CTIF: variants seen among roughly 807,000 people sequenced by gnomAD.
The protein encoded by CTIF is CBP80/20-dependent translation initiation factor.
Under a neutral mutation model 66.0 loss-of-function variants are expected in CTIF, and 21 were observed. The ratio of observed to expected loss-of-function variants is 0.32; its 90% confidence interval spans 0.23 to 0.46. The LOEUF is 0.46. Ranked by LOEUF, CTIF falls within the 20% of genes least tolerant of loss-of-function variation. CTIF has a pLI of 1.00. For synonymous variants in CTIF, 345 were observed against 326.4 expected, an observed-to-expected ratio of 1.06 and a Z score of -0.62; for missense variants, 739 against 812.7, an observed-to-expected ratio of 0.91 and a Z score of 1.10.
At chr18:48,629,823 T>C (rs1182736317) in intron 2 of CTIF, among the ~76,000 whole-genome samples, 2 of 152,192 alleles carry the variant, frequency 1.3e-5, no homozygotes, top group East Asian at 3.9e-4. Flanking sequence ...CCATGTTTGC[T>C]AATTAGAGAA....
At chr18:48,818,673 G>A (rs546589290) in intron 10 of CTIF, among the ~76,000 whole-genome samples, 26 of 152,120 alleles carry the variant, frequency 1.7e-4, no homozygotes, top group Non-Finnish European at 2.9e-4. Context: ...GGAAGGGGGC[G>A]TGTAAGAACC....
chr18:48,749,914 A>C (rs1407907834), intron 7 of CTIF, among the ~76,000 whole-genome samples: 1 of 152,250 alleles, frequency 6.6e-6, no homozygotes, highest in East Asian at 1.9e-4. Context: ...TGGCAGGCCG[A>C]GCGGAAGGGC....
In CTIF at chr18:48,631,294, T is replaced by C. The variant is rs184100830; in HGVS notation, c.181-5320T>C. On this transcript the variant is annotated intron_variant, in intron 2 of 11. Transcript: ENST00000256413. ...TCCAGGGCAACATGGTGAAACCCTG[T>C]CTCTACTAAAAATACAAAAAAATTA... Among the ~76,000 whole-genome samples, 610 of 152,246 alleles carry C rather than the reference T, an allele frequency of 4.0e-3. 3 individuals are homozygous for C. The highest frequency in any genetic ancestry group is 5.2e-3 in the Non-Finnish European group (352 of 68,022).
chr18:48,670,856 G>A (rs991181519), intron 6 of CTIF, 112 bp downstream of exon 6: 7 of 868,846 alleles, frequency 8.1e-6, no homozygotes, highest in Admixed American at 5.8e-5. Context: ...TTCCAGCAAG[G>A]AGTGTAACCG....
chr18:48,644,156 G>A (rs2090984069), intron 3 of CTIF, among the ~76,000 whole-genome samples: 1 of 152,172 alleles, frequency 6.6e-6, no homozygotes, highest in Non-Finnish European at 1.5e-5. Context: ...CCTGCATGAG[G>A]AATTGCCTTT....
intron 1 of CTIF, among the ~76,000 whole-genome samples, chr18:48,585,806 G>A (rs1156280632): frequency 2.6e-5 from 4 of 152,292 alleles, no homozygotes; most frequent in Admixed American, 1.3e-4. Context: ...TCGGCTCAGA[G>A]CGTTTCAGCC....
intron 9 of CTIF, among the ~76,000 whole-genome samples, chr18:48,789,961 G>A (rs1428120845): frequency 6.6e-6 from 1 of 152,188 alleles, no homozygotes; most frequent in Non-Finnish European, 1.5e-5. Flanking sequence ...ACCTTGGGCA[G>A]GGTACTTTTC....
At chr18:48,594,118 T>C (rs1317611245) in intron 1 of CTIF, among the ~76,000 whole-genome samples, 1 of 144,790 alleles carries the variant, frequency 6.9e-6, no homozygotes, top group Admixed American at 6.9e-5. Context: ...GACAGTTTCT[T>C]TGGTGTCGTG....
Position 48,817,225 on chromosome 18 carries a change from A to G in CTIF, c.1376A>G (p.Asp459Gly). The change falls in exon 10 of 12, where the codon GAC becomes GGC. Residue 459 changes from aspartate to glycine, a missense_variant. Physicochemically the swap from Asp to Gly is moderately conservative, Grantham distance 94 (BLOSUM62 -1). Around this residue, in one of 2 missense-constraint regions of CTIF, gnomAD observed 210 missense variants for 292.3 expected, o/e 0.72. Transcript: ENST00000256413. ...CGGTCTCTCATGCCTCCACAGAAGG[A>G]CTTCACGGTGCGCGAGGAGCTGCAG... ...RSLLLNMLQK[D>G]FTVREELQQQ... 6.2e-7 allele frequency: 1 copy of G among 1,613,416 alleles called. No individual in the cohort carries two copies. Among genetic ancestry groups the G allele is most frequent in the Non-Finnish European group, 8.5e-7 (1 of 1,179,772 alleles).
chr18:48,797,547 T>C (rs999132119), intron 9 of CTIF, among the ~76,000 whole-genome samples: 4 of 150,902 alleles, frequency 2.7e-5, no homozygotes, highest in South Asian at 4.2e-4. Context: ...CTGGCATGAA[T>C]TGTAGCTGAT....
rs554832343 is a variant in CTIF, at chr18:48,860,822, C to T, written c.*1263C>T. The T allele has an allele frequency of 6.6e-6, 1 of 152,200 alleles. No homozygotes were observed. Among genetic ancestry groups the T allele is most frequent in the African/African-American group, 2.4e-5 (1 of 41,438 alleles). 9.4% of individuals were successfully genotyped at this position (152,200 alleles called of 1,614,324 possible). ...GACAGTCAGGTGACCAGCGGGGTCG[C>T]CAGATGAAGCTTCCCAGCCGGGAAA... On this transcript the variant is annotated 3_prime_UTR_variant, in exon 12 of 12. Coordinates refer to ENST00000256413, the MANE Select transcript of CTIF (RefSeq NM_014772.3).
At chr18:48,545,799 A>G (rs1275476739) in intron 1 of CTIF, among the ~76,000 whole-genome samples, 6 of 152,158 alleles carry the variant, frequency 3.9e-5, no homozygotes, top group Non-Finnish European at 7.4e-5. Flanking sequence ...TTGGCCACTG[A>G]GCGTAACCAC....
intron 6 of CTIF, among the ~76,000 whole-genome samples, chr18:48,687,306 A>G (rs1050097957): frequency 1.9e-4 from 2 of 10,648 alleles, no homozygotes; most frequent in African/African-American, 7.6e-4. Flanking sequence ...CTAGGAGGGG[A>G]CACACACACA....
At chr18:48,578,848 G>A (rs779441729) in intron 1 of CTIF, among the ~76,000 whole-genome samples, 1 of 152,148 alleles carries the variant, frequency 6.6e-6, no homozygotes, top group Admixed American at 6.5e-5. Context: ...TTGGTGAAGT[G>A]CAATTTATCT....
intron 2 of CTIF, among the ~76,000 whole-genome samples, chr18:48,628,161 A>G (rs1034394256): frequency 6.6e-6 from 1 of 152,218 alleles, no homozygotes; most frequent in Non-Finnish European, 1.5e-5. Context: ...TGAGCTATGC[A>G]AGACCCTGGA....
chr18:48,601,374 G>A (rs969264791), intron 1 of CTIF, among the ~76,000 whole-genome samples: 1 of 152,238 alleles, frequency 6.6e-6, no homozygotes, highest in Non-Finnish European at 1.5e-5. Context: ...TTCTGTGCGT[G>A]CACAACAGGA....
chr18:48,636,059 C>T (rs1055659394), intron 2 of CTIF, among the ~76,000 whole-genome samples: 14 of 152,302 alleles, frequency 9.2e-5, no homozygotes, highest in East Asian at 5.8e-4. Flanking sequence ...GTTGTCAGAC[C>T]ACACTTTGGG....
chr18:48,604,648 G>A (rs927973553), intron 1 of CTIF, among the ~76,000 whole-genome samples: 7 of 151,992 alleles, frequency 4.6e-5, no homozygotes, highest in Middle Eastern at 3.2e-3. Flanking sequence ...ATTCAGATTC[G>A]ATTTATATAT....
chr18:48,645,278 C>CAAAAAAAAAAAAAAAAAAAAA (rs74174711), intron 3 of CTIF, among the ~76,000 whole-genome samples: 1 of 69,184 alleles, frequency 1.4e-5, no homozygotes, highest in African/African-American at 5.5e-5. Flanking sequence ...TGGACACAGG[C>CAAAAAAAAAAAAAAAAAAAAA]AAAAAAAAAA....
Sources: gnomAD v4.1 joint callset for allele counts (sites outside exome capture counted in the v4.1 genomes callset) on GRCh38, gnomAD v4.1.1 for gene constraint, gnomAD v4.1.1 regional missense constraint, MANE v1.5 for transcripts, NCBI Gene and HGNC (gene_info 2026-07-23, HGNC 2026-07-21) for gene names.